STK11IP: variants seen among roughly 807,000 people sequenced by gnomAD.
STK11IP encodes the protein serine/threonine-protein kinase 11-interacting protein.
In STK11IP, 103 loss-of-function variants were observed where a neutral mutation model predicts 131.7. That is an observed-to-expected ratio of 0.78 (90% confidence interval 0.67 to 0.92). The LOEUF (loss-of-function observed/expected upper bound fraction) is 0.92. Ranked by LOEUF, STK11IP falls within the 40% of genes least tolerant of loss-of-function variation. The probability of loss-of-function intolerance (pLI) is 0.00; values close to 1 mark genes in which losing one functional copy is unlikely to be tolerated. For missense variants in STK11IP, 1,315 were observed against 1,385.7 expected (o/e 0.95, Z 0.81); for synonymous variants, 557 against 575.6 (o/e 0.97, Z 0.46).
chr2:219,613,879 CT>C lies in STK11IP; in HGVS notation c.2666del (p.Leu889ArgfsTer13). On this transcript the variant is annotated frameshift_variant, in exon 21 of 25. Coordinates refer to ENST00000456909, the MANE Select transcript of STK11IP (RefSeq NM_052902.4). LOFTEE classifies it high-confidence loss of function. The part of the protein sequence containing the change: ...EWAAGAGRCV[L>X]LPRDARHCRA... The stretch of plus-strand genomic sequence containing the variant: ...GGCAGCTGGGGCGGGCCGCTGTGTG[CT>C]GCTGCCCCGAGATGCCAGGCATTGC... 6.3e-7 allele frequency: 1 copy of C among 1,597,726 alleles called. No individual in the cohort carries two copies. Among genetic ancestry groups the C allele is most frequent in the Non-Finnish European group, 8.5e-7 (1 of 1,171,152 alleles).
At chr2:219,614,033 C>T (rs1698496099) in intron 21 of STK11IP, 103 bp downstream of exon 21, 41 of 1,496,140 alleles carry the variant, frequency 2.7e-5, no homozygotes, top group Non-Finnish European at 3.4e-5. Flanking sequence ...AGAGAGGTAA[C>T]AGGACTTGTC....
At chr2:219,601,017 G>C (rs1319001641) in intron 2 of STK11IP, among the ~76,000 whole-genome samples, 1 of 152,198 alleles carries the variant, frequency 6.6e-6, no homozygotes, top group African/African-American at 2.4e-5. Context: ...GTGTAGCCAA[G>C]CAGTCTCATC....
At chr2:219,611,510 G>T (rs569722365) in intron 17 of STK11IP, 94 bp from the exon 18 acceptor site, 17 of 1,089,148 alleles carry the variant, frequency 1.6e-5, no homozygotes, top group Admixed American at 3.5e-5. Context: ...GGGCTCAGGG[G>T]AGACCTGAGC....
chr2:219,605,731 C>A lies in STK11IP; in HGVS notation c.742C>A (p.His248Asn). The A allele has an allele frequency of 6.3e-7, 1 of 1,596,960 alleles. No individual in the cohort carries two copies. Among genetic ancestry groups the A allele is most frequent in the Non-Finnish European group, 8.5e-7 (1 of 1,172,130 alleles). Residue 248 changes from histidine to asparagine, a missense_variant, in exon 8 of 25, where the codon CAT (histidine) becomes AAT (asparagine). Transcript: ENST00000456909. ...ILRGNELRSL[H>N]GLEQLRNLRH... is the part of the protein sequence containing the mutation. ...GCGAGGCAATGAGCTTCGGAGCCTG[C>A]ATGGTGAGTGGGGGTGTGTGATGGG...
Position 219,616,411 on chromosome 2 carries a change from C to T in STK11IP, c.*218C>T. The T allele has an allele frequency of 1.8e-6, 1 of 553,168 alleles. No individual in the cohort carries two copies. The highest frequency in any genetic ancestry group is 3.1e-6 in the Non-Finnish European group (1 of 318,898). 34.3% of individuals were successfully genotyped at this position (553,168 alleles called of 1,614,324 possible). A position where few individuals can be genotyped will look rare whatever the true frequency, so the allele number is the denominator to read the frequency against. On this transcript the variant is annotated 3_prime_UTR_variant, in exon 25 of 25. Coordinates refer to ENST00000456909, the MANE Select transcript of STK11IP (RefSeq NM_052902.4). ...CTGGTCAGGAGGAATATTTTTCCTG[C>T]ACTTTTTCTCAGGTATCAATAAAGT... is the stretch of plus-strand genomic sequence containing the variant.
At position 219,606,300 on chromosome 2, in the gene STK11IP, C is replaced by T. The variant is rs760044394; in HGVS notation, c.945+10C>T. On this transcript the variant is annotated intron_variant, in intron 10 of 24. Coordinates refer to ENST00000456909, the MANE Select transcript of STK11IP (RefSeq NM_052902.4). ...GGATGCTGCTACTGGCGTGAGTGATCGTCCTGTGTCCACTCTTCTTCCCCT... is the reference window on the plus strand; with the variant it reads ...GGATGCTGCTACTGGCGTGAGTGATTGTCCTGTGTCCACTCTTCTTCCCCT... 9.0e-6 allele frequency: 14 copies of T among 1,558,866 alleles called. No homozygotes were observed. In the African/African-American group the frequency reaches 1.2e-4, roughly 14 times the overall value.
chr2:219,613,692 T>A, intron 20 of STK11IP, 60 bp from the exon 21 acceptor site: 20 of 1,603,062 alleles, frequency 1.2e-5, no homozygotes, highest in Non-Finnish European at 1.6e-5. Context: ...GGGCAGGGCC[T>A]CTCTGGGACT....
Position 219,608,095 on chromosome 2 carries a change from G to A in STK11IP, c.1268G>A (p.Arg423Gln), listed in dbSNP as rs772413276. The A allele has an allele frequency of 2.0e-5, 33 of 1,612,814 alleles. No homozygotes were observed. The highest frequency in any genetic ancestry group is 2.5e-5 in the Non-Finnish European group (30 of 1,179,898). The change falls in exon 14 of 25, where the codon CGG becomes CAG. Residue 423 changes from arginine (R) to glutamine (Q), a missense_variant. Arg to Gln is a conservative substitution (Grantham distance 43). Transcript: ENST00000456909. ...GAGCTGGAGCTCATGAGCAGCTTCC[G>A]GGAACGGTTCGGCCGCAACTGGCTG... Reference protein sequence around the residue: ...HPELELMSSFRERFGRNWLQY... With the variant: ...HPELELMSSFQERFGRNWLQY...
Position 219,614,515 on chromosome 2 carries a change from G to A in STK11IP, c.2838G>A (p.Gln946=). 1.9e-6 allele frequency: 3 copies of A among 1,613,858 alleles called. No homozygotes were observed. The highest frequency in any genetic ancestry group is 2.5e-6 in the Non-Finnish European group (3 of 1,179,878). Residue 946 remains glutamine (Q), a synonymous_variant, in exon 23 of 25, where the codon CAG becomes CAA. Coordinates refer to ENST00000456909, the MANE Select transcript of STK11IP (RefSeq NM_052902.4). ...AAGACTCATCCTTGGAGGCTCGCCA[G>A]TTCTTCTACCTTCGGGCGTTCCTGG... ...LEKDSSLEAR[Q]FFYLRAFLVE...
At chr2:219,600,043 TTTTTTTTTTGTTTTTG>T (rs1175009855) in intron 2 of STK11IP, among the ~76,000 whole-genome samples, 53 of 142,508 alleles carry the variant, frequency 3.7e-4, no homozygotes, top group African/African-American at 1.5e-3. Flanking sequence ...CCCTTTGTGT[TTTTTTTTTTGTTTTTG>T]TTTTTTTTTT....
In STK11IP at chr2:219,607,968, G is replaced by A. The variant is rs78194783; in HGVS notation, c.1220-79G>A. 2.5e-3 allele frequency: 3,874 copies of A among 1,542,004 alleles called. 18 individuals are homozygous for A. Among genetic ancestry groups the A allele is most frequent in the Non-Finnish European group, 2.4e-3 (2,790 of 1,141,200 alleles). ...ATACACAGCCCATCGCCCCCTCATCGCTGAGGAGCACCGTTGAAGGATTTG... is the reference window on the plus strand; with the variant it reads ...ATACACAGCCCATCGCCCCCTCATCACTGAGGAGCACCGTTGAAGGATTTG... On this transcript the variant is annotated intron_variant, in intron 13 of 24. Coordinates refer to ENST00000456909, the MANE Select transcript of STK11IP (RefSeq NM_052902.4).
chr2:219,605,525 G>T (rs1574618028), intron 7 of STK11IP, 83 bp from the exon 8 acceptor site: 1 of 1,422,606 alleles, frequency 7.0e-7, no homozygotes, highest in East Asian at 2.5e-5. Context: ...CAAGGTTGAG[G>T]CCTAGTCCAG....
rs764429093 is a variant in STK11IP at position 219,613,770 on chromosome 2, G to A, written c.2556G>A (p.Trp852Ter). The A allele has an allele frequency of 6.2e-7, 1 of 1,612,398 alleles. No homozygotes were observed. The highest frequency in any genetic ancestry group is 8.5e-7 in the Non-Finnish European group (1 of 1,179,656). The change falls in exon 21 of 25, where the codon TGG (tryptophan) becomes TGA (stop). Residue 852 changes from tryptophan (W) to a stop codon, truncating the protein, a stop_gained. Coordinates refer to ENST00000456909, the MANE Select transcript of STK11IP (RefSeq NM_052902.4). LOFTEE classifies it high-confidence loss of function. ...TCCACAGTGAGCCTCCAGCTAGCTG[G>A]CTGCAGCTGACCCTGGCTGTTCCCC... ...TGEMREPPAS[W>*]LQLTLAVPLQ...
intron 7 of STK11IP, among the ~76,000 whole-genome samples, chr2:219,604,098 A>G (rs1559178231): frequency 1.3e-5 from 2 of 152,140 alleles, no homozygotes; most frequent in Non-Finnish European, 2.9e-5. Context: ...CCCTGTCATC[A>G]GGTGTTGGCT....
intron 13 of STK11IP, among the ~76,000 whole-genome samples, chr2:219,607,442 A>T (rs1401489173): frequency 2.0e-5 from 3 of 152,054 alleles, no homozygotes; most frequent in East Asian, 3.9e-4. Flanking sequence ...GGATTGCCTG[A>T]GCCCAGGAGT....
chr2:219,611,551 A>G lies in STK11IP; in HGVS notation c.2105-53A>G, dbSNP rs117805723. On this transcript the variant is annotated intron_variant, in intron 17 of 24. Coordinates refer to ENST00000456909, the MANE Select transcript of STK11IP (RefSeq NM_052902.4). ...GAAGGAGCATCGTGAGCATGGTGGG[A>G]GTTGTGGCACTGTGGGGGGGGCTCA... The G allele has an allele frequency of 2.7e-3, 3,866 of 1,409,250 alleles. 115 individuals are homozygous for G. In the East Asian group the frequency reaches 0.068, roughly 25 times the overall value. 87.3% of individuals were successfully genotyped at this position (1,409,250 alleles called of 1,614,324 possible).
chr2:219,608,498 C>T, intron 14 of STK11IP, 68 bp downstream of exon 14: 1 of 1,531,990 alleles, frequency 6.5e-7, no homozygotes. Context: ...GTGGTGGGGC[C>T]TGGCGGGTGG....
rs534474699 is a variant in STK11IP, at chr2:219,608,242, C to G, written c.1415C>G (p.Pro472Arg). ...GPDTAPRPSP[P>R]QEEARGPQES... ...GACACTGCACCCAGACCTTCACCCC[C>G]GCAGGAGGAAGCCAGAGGCCCCCAG... is the stretch of plus-strand genomic sequence containing the variant. Residue 472 changes from proline (P) to arginine (R), a missense_variant, in exon 14 of 25, where the codon CCG becomes CGG. Physicochemically the swap from Pro to Arg is moderately radical, Grantham distance 103. Transcript: ENST00000456909. 2 of 1,613,620 alleles carry G rather than the reference C, an allele frequency of 1.2e-6. No individual in the cohort carries two copies. Among genetic ancestry groups the G allele is most frequent in the Non-Finnish European group, 8.5e-7 (1 of 1,179,858 alleles).
chr2:219,612,708 G>A (rs1390731425), intron 19 of STK11IP, among the ~76,000 whole-genome samples: 1 of 152,226 alleles, frequency 6.6e-6, no homozygotes, highest in Admixed American at 6.5e-5. Context: ...CATGCAGGGC[G>A]AGGGGCAGGG....
Sources: gnomAD v4.1 joint callset for allele counts (sites outside exome capture counted in the v4.1 genomes callset) on GRCh38, gnomAD v4.1.1 for gene constraint, MANE v1.5 for transcripts, NCBI Gene and HGNC (gene_info 2026-07-23, HGNC 2026-07-21) for gene names.